LARGE1: variants seen among roughly 807,000 people sequenced by gnomAD.
The protein encoded by LARGE1 is xylosyl- and glucuronyltransferase LARGE1.
LARGE1 carries 43 observed loss-of-function variants against 87.6 expected under a neutral mutation model. That is an observed-to-expected ratio of 0.49 (90% CI 0.38 to 0.63). The LOEUF is 0.63. LARGE1 is among the 30% of genes least tolerant of loss of function. The pLI, the probability that LARGE1 is intolerant of heterozygous loss-of-function variation, is 0.00. For missense variants in LARGE1, 802 were observed against 1,000.2 expected (o/e 0.80, Z 2.67); for synonymous variants, 434 against 394.6 (o/e 1.10, Z -1.18).
At chr22:33,529,354 T>A (rs2072080920) in intron 6 of LARGE1, among the ~76,000 whole-genome samples, 1 of 152,220 alleles carries the variant, frequency 6.6e-6, no homozygotes, top group Admixed American at 6.5e-5. Flanking sequence ...GTGCATCAAA[T>A]GCTACAGCTC....
chr22:33,255,918 T>C (rs928203337), intron 11 of LARGE1, among the ~76,000 whole-genome samples: 1 of 152,234 alleles, frequency 6.6e-6, no homozygotes, highest in African/African-American at 2.4e-5. Context: ...CACTTCCCGT[T>C]TGACAGCTGC....
In LARGE1 at chr22:33,535,561, GA is replaced by G. The variant is rs1271687591; in HGVS notation, c.787+29286del. The stretch of plus-strand genomic sequence containing the variant: ...TCCAAAAACAAAAGAAAAAAAAAAA[GA>G]AAAAAAATGCAGCAATATGCAGGGA... On this transcript the variant is annotated intron_variant, in intron 6 of 14. Transcript: ENST00000397394. Among the ~76,000 whole-genome samples, 11 of 151,060 alleles carry G rather than the reference GA, an allele frequency of 7.3e-5. No homozygotes were observed. In the South Asian group the frequency reaches 2.3e-3, roughly 32 times the overall value.
intron 10 of LARGE1, among the ~76,000 whole-genome samples, chr22:33,333,284 C>T (rs1937983964): frequency 6.6e-6 from 1 of 151,976 alleles, no homozygotes; most frequent in Non-Finnish European, 1.5e-5. Flanking sequence ...TCCCAAAATG[C>T]TGGGATTACA....
At chr22:33,401,903 C>A (rs951900938) in intron 7 of LARGE1, among the ~76,000 whole-genome samples, 4 of 152,192 alleles carry the variant, frequency 2.6e-5, no homozygotes, top group African/African-American at 9.7e-5. Context: ...AGAACTGGTA[C>A]CAGCTCTCAG....
At chr22:33,070,701 G>A in the LARGE1 span, among the ~76,000 whole-genome samples, 1 of 152,284 alleles carries the variant, frequency 6.6e-6, no homozygotes, top group South Asian at 2.1e-4. Flanking sequence ...TAGAGAAGAG[G>A]CACCTGAACA....
In LARGE1 at chr22:33,563,421, G is replaced by C. The variant is rs1456141172; in HGVS notation, c.787+1427C>G. The stretch of plus-strand genomic sequence containing the variant: ...ACTGCTTCACACCCAGTAGGGATTC[G>C]ATAAACGCCAGTTGAAGAAATGCAT... On this transcript the variant is annotated intron_variant, in intron 6 of 14. Transcript: ENST00000397394. Among the ~76,000 whole-genome samples the C allele has an allele frequency of 3.3e-5, 5 of 152,154 alleles. No individual in the cohort carries two copies. In the South Asian group the frequency reaches 1.0e-3, roughly 32 times the overall value.
chr22:33,671,949 G>C (rs1284714698), intron 2 of LARGE1, among the ~76,000 whole-genome samples: 1 of 152,138 alleles, frequency 6.6e-6, no homozygotes, highest in African/African-American at 2.4e-5. Flanking sequence ...CATTTTACAT[G>C]AAGATGTTTT....
chr22:33,468,053 T>A (rs1488870034), intron 6 of LARGE1, among the ~76,000 whole-genome samples: 2 of 152,184 alleles, frequency 1.3e-5, no homozygotes, highest in African/African-American at 4.8e-5. Context: ...GAAGGTAACA[T>A]CTGGAAGCAA....
chr22:33,502,844 G>A (rs980677795), intron 6 of LARGE1, among the ~76,000 whole-genome samples: 5 of 152,104 alleles, frequency 3.3e-5, no homozygotes, highest in Admixed American at 6.6e-5. Context: ...ATGCTTTTAC[G>A]GTGCACAGCA....
rs564148618 is a variant in LARGE1 at position 33,388,781 on chromosome 22, G to A, written c.893-4477C>T. Among the ~76,000 whole-genome samples the A allele has an allele frequency of 8.5e-5, 13 of 152,178 alleles. No individual in the cohort carries two copies. In the South Asian group the frequency reaches 2.7e-3, roughly 32 times the overall value. On this transcript the variant is annotated intron_variant, in intron 7 of 14. Transcript: ENST00000397394. ...GGGGTTTCGCCATGTTGGCCAGGCT[G>A]GTCTCAAACTCCTGACCTCAGGTGA... is the stretch of plus-strand genomic sequence containing the variant.
intron 1 of LARGE1, among the ~76,000 whole-genome samples, chr22:33,804,135 C>A (rs2086243118): frequency 6.6e-6 from 1 of 152,172 alleles, no homozygotes; most frequent in East Asian, 1.9e-4. Context: ...TGACTGCCAT[C>A]CTTAGAAAGG....
chr22:33,268,656 T>C (rs1197710675), downstream of LARGE1, among the ~76,000 whole-genome samples: 2 of 151,460 alleles, frequency 1.3e-5, no homozygotes, highest in East Asian at 4.0e-4. Context: ...CTCGATCTCC[T>C]GACCTCGTGA....
intron 9 of LARGE1, among the ~76,000 whole-genome samples, chr22:33,357,811 A>G (rs1291564251): frequency 6.6e-6 from 1 of 152,212 alleles, no homozygotes; most frequent in Admixed American, 6.5e-5. Context: ...AAAAAAAATT[A>G]TACAAAAAAG....
At position 33,177,611 on chromosome 22, in the gene LARGE1, GA is replaced by G. The variant is rs952175716; in HGVS notation, c.1731-10780del. Reference sequence around the variant, plus strand: ...TGATTCCCATATCTTAGAGGATAAAGAAAAAAAAATCTCAGTCTAAAGTAGA... The same window carrying G: ...TGATTCCCATATCTTAGAGGATAAAGAAAAAAAATCTCAGTCTAAAGTAGA... On this transcript the variant is annotated intron_variant, in intron 11 of 11. Coordinates refer to the LARGE1 transcript ENST00000608642. Among the ~76,000 whole-genome samples the G allele has an allele frequency of 2.6e-4, 40 of 151,296 alleles. 1 individual carries two copies. Among genetic ancestry groups the G allele is most frequent in the Admixed American group, 1.4e-3 (21 of 15,184 alleles).
intron 2 of LARGE1, among the ~76,000 whole-genome samples, chr22:33,675,525 A>C (rs2081552978): frequency 6.6e-6 from 1 of 151,990 alleles, no homozygotes. Context: ...TGTACTTGGG[A>C]AACAAAAAAC....
chr22:33,525,327 T>A (rs1485972556), intron 6 of LARGE1, among the ~76,000 whole-genome samples: 1 of 152,190 alleles, frequency 6.6e-6, no homozygotes, highest in African/African-American at 2.4e-5. Context: ...TAGTACTGCC[T>A]TGATTTGCAG....
At chr22:33,779,282 C>T (rs1601596478) in intron 1 of LARGE1, among the ~76,000 whole-genome samples, 2 of 152,136 alleles carry the variant, frequency 1.3e-5, no homozygotes, top group African/African-American at 2.4e-5. Context: ...GTGCTTAATC[C>T]ACCCCAAACT....
chr22:33,880,801 AC>A (rs2064656913), intron 1 of LARGE1, among the ~76,000 whole-genome samples: 1 of 152,178 alleles, frequency 6.6e-6, no homozygotes, highest in Admixed American at 6.5e-5. Context: ...ATACATATTA[AC>A]ATAAGTATAT....
intron 12 of LARGE1, among the ~76,000 whole-genome samples, chr22:33,298,322 C>T (rs1456851915): frequency 6.6e-6 from 1 of 152,218 alleles, no homozygotes; most frequent in African/African-American, 2.4e-5. Context: ...AGCCCCAGCA[C>T]CTGAAACAGT....
Sources: allele counts gnomAD v4.1 joint callset (sites outside exome capture counted in the v4.1 genomes callset), GRCh38; gene constraint gnomAD v4.1.1; transcripts MANE v1.5; gene names NCBI Gene and HGNC (gene_info 2026-07-23, HGNC 2026-07-21).